INSC: variants seen among roughly 807,000 people sequenced by gnomAD.
The protein encoded by INSC is protein inscuteable homolog.
A neutral mutation model predicts 58.6 loss-of-function variants in INSC; 67 were observed. The ratio of observed to expected loss-of-function variants is 1.14; its 90% CI spans 0.94 to 1.40. The LOEUF is 1.40. INSC is among the 40% of genes most tolerant of loss of function. The pLI is 0.00. For missense variants in INSC, 714 were observed against 692.0 expected (o/e 1.03, Z -0.36); for synonymous variants, 262 against 276.1 (o/e 0.95, Z 0.51).
chr11:15,156,005 T>C (rs1184337777), intron 2 of INSC, among the ~76,000 whole-genome samples: 1 of 152,082 alleles, frequency 6.6e-6, no homozygotes, highest in East Asian at 1.9e-4. Context: ...AAGGAGGCGG[T>C]CCACAAGGCA....
At chr11:15,160,489 AGG>A (rs1848980752) in intron 2 of INSC, among the ~76,000 whole-genome samples, 1 of 152,208 alleles carries the variant, frequency 6.6e-6, no homozygotes, top group African/African-American at 2.4e-5. Context: ...AGGAGGGCAC[AGG>A]TGATGGCTCC....
At chr11:15,255,820 T>G in the INSC span, among the ~76,000 whole-genome samples, 2 of 151,858 alleles carry the variant, frequency 1.3e-5, no homozygotes, top group Non-Finnish European at 2.9e-5. Context: ...TATAAACCCT[T>G]AAAGGGATTT....
In INSC at chr11:15,241,214, G is replaced by T. The variant is rs181617251; in HGVS notation, c.1470+691G>T. Among the ~76,000 whole-genome samples, 40 of 152,288 alleles carry T rather than the reference G, an allele frequency of 2.6e-4. No homozygotes were observed. The East Asian group carries it at 7.5e-3, about 29-fold the overall frequency. ...CCCAAAGTAGAGTAGCTTCCATTTA[G>T]GAACATTTAGGAGTAGGGAAGCCAC... On this transcript the variant is annotated intron_variant, in intron 12 of 12. Transcript: ENST00000379556.
intron 7 of INSC, among the ~76,000 whole-genome samples, chr11:15,204,419 T>C (rs558342478): frequency 1.3e-3 from 191 of 152,326 alleles, no homozygotes; most frequent in African/African-American, 4.5e-3. Context: ...CTCCATATCA[T>C]ATTGCTTCCA....
intron 7 of INSC, among the ~76,000 whole-genome samples, chr11:15,220,770 T>A (rs1851406206): frequency 6.6e-6 from 1 of 152,218 alleles, no homozygotes; most frequent in African/African-American, 2.4e-5. Context: ...CAAGAGCAGA[T>A]CTGACCCGGG....
At chr11:15,235,171 AG>A (rs1397827087) in intron 9 of INSC, 1 of 230,484 alleles carries the variant, frequency 4.3e-6, no homozygotes, top group Admixed American at 4.8e-5. Flanking sequence ...TATCCAGGAA[AG>A]AAGCTTGGAT....
intron 5 of INSC, among the ~76,000 whole-genome samples, chr11:15,183,980 TA>T (rs1336118969): frequency 6.6e-6 from 1 of 152,218 alleles, no homozygotes; most frequent in Non-Finnish European, 1.5e-5. Context: ...TTAAGCAGTA[TA>T]TACCTTTCTT....
At position 15,175,844 on chromosome 11, in the gene INSC, C is replaced by T; in HGVS notation, c.160C>T (p.Leu54=). 4 of 1,613,516 alleles carry T rather than the reference C, an allele frequency of 2.5e-6. No individual in the cohort carries two copies. The South Asian group carries it at 4.4e-5, about 18-fold the overall frequency. Residue 54 remains leucine, a synonymous_variant, in exon 3 of 13, where the codon CTG becomes TTG. Transcript: ENST00000379556. ...TGTCCTGCAGGCCAAGCCCATCAGC[C>T]TGGAAGAGGATGCACAGGGTGACCT... ...MCVLQAKPIS[L]EEDAQGDLIL...
intron 7 of INSC, among the ~76,000 whole-genome samples, chr11:15,201,931 C>T (rs563493725): frequency 5.9e-5 from 9 of 152,316 alleles, no homozygotes; most frequent in Admixed American, 5.9e-4. Flanking sequence ...CCCTCAGCTT[C>T]TTCACTTTGG....
At chr11:15,223,880 G>A (rs1851536313) in intron 8 of INSC, among the ~76,000 whole-genome samples, 2 of 152,192 alleles carry the variant, frequency 1.3e-5, no homozygotes, top group Non-Finnish European at 2.9e-5. Context: ...TCAAACCTGG[G>A]CTGTGGGGAG....
rs1849559142 is a variant in INSC at position 15,175,953 on chromosome 11, G to A, written c.269G>A (p.Arg90Lys). The A allele has an allele frequency of 6.2e-7, 1 of 1,613,976 alleles. No homozygotes were observed. Among genetic ancestry groups the A allele is most frequent in the Non-Finnish European group, 8.5e-7 (1 of 1,179,982 alleles). The change falls in exon 3 of 13, where the codon AGG becomes AAG. Residue 90 changes from arginine (R) to lysine (K), a missense_variant. Physicochemically the swap from Arg to Lys is conservative, Grantham distance 26. Coordinates refer to ENST00000379556, the MANE Select transcript of INSC (RefSeq NM_001042536.3). ...TGGGTCATTAGCACAGAGCTGCGCA[G>A]GATCGGGCAGAAGCTGGCCCAGGAC... ...RGWVISTELR[R>K]IGQKLAQDRW...
chr11:15,219,941 G>C (rs1851374715), intron 7 of INSC, among the ~76,000 whole-genome samples: 1 of 152,178 alleles, frequency 6.6e-6, no homozygotes, highest in South Asian at 2.1e-4. Context: ...CACCTGGCAT[G>C]AGTCCAGTTC....
chr11:15,214,344 T>C (rs1851135586), intron 7 of INSC, among the ~76,000 whole-genome samples: 2 of 152,206 alleles, frequency 1.3e-5, no homozygotes. Context: ...CCTGCTCCTA[T>C]GGCTGCGTTT....
intron 7 of INSC, among the ~76,000 whole-genome samples, chr11:15,209,607 G>T (rs1419576064): frequency 1.3e-5 from 2 of 152,272 alleles, no homozygotes; most frequent in Non-Finnish European, 2.9e-5. Flanking sequence ...TCCCCACCAA[G>T]AGACACTATC....
intron 6 of INSC, among the ~76,000 whole-genome samples, chr11:15,199,868 A>G (rs907114697): frequency 6.6e-6 from 1 of 152,164 alleles, no homozygotes; most frequent in Non-Finnish European, 1.5e-5. Flanking sequence ...TGCCACTCTA[A>G]ATGCCCCAGT....
chr11:15,151,603 A>T (rs980270200), intron 2 of INSC, among the ~76,000 whole-genome samples: 7 of 132,572 alleles, frequency 5.3e-5, no homozygotes, highest in African/African-American at 1.6e-4. Context: ...TCCATCTGGG[A>T]TGCTGATCTT....
intron 1 of INSC, among the ~76,000 whole-genome samples, chr11:15,133,577 T>G (rs1357005767): frequency 8.3e-6 from 1 of 120,172 alleles, no homozygotes; most frequent in Admixed American, 9.2e-5. Flanking sequence ...AAACTGAGTT[T>G]CTGGTTTTCT....
At chr11:15,186,790 T>G (rs1266168011) in intron 5 of INSC, among the ~76,000 whole-genome samples, 1 of 152,190 alleles carries the variant, frequency 6.6e-6, no homozygotes. Context: ...TCACCTGAGA[T>G]GGTTTATCCA....
chr11:15,155,316 TA>T (rs1848778621), intron 2 of INSC, among the ~76,000 whole-genome samples: 1 of 152,208 alleles, frequency 6.6e-6, no homozygotes, highest in Admixed American at 6.5e-5. Context: ...CTTTAAAGAC[TA>T]GCCTGGAAAA....
Sources: allele counts gnomAD v4.1 joint callset (sites outside exome capture counted in the v4.1 genomes callset), GRCh38; gene constraint gnomAD v4.1.1; transcripts MANE v1.5; gene names NCBI Gene and HGNC (gene_info 2026-07-23, HGNC 2026-07-21).